TDRD1: variants seen among roughly 807,000 people sequenced by gnomAD.
The protein encoded by TDRD1 is tudor domain-containing protein 1.
A neutral mutation model predicts 140.6 loss-of-function variants in TDRD1; 37 were observed. The ratio of observed to expected loss-of-function variants is 0.26; its 90% CI spans 0.20 to 0.35. The LOEUF (loss-of-function observed/expected upper bound fraction) is 0.35. Ranked by LOEUF, TDRD1 falls within the 10% of genes least tolerant of loss-of-function variation. The probability of loss-of-function intolerance (pLI) is 1.00; values close to 1 mark genes in which losing one functional copy is unlikely to be tolerated. For missense variants in TDRD1, 1,243 were observed against 1,393.0 expected, an observed-to-expected ratio of 0.89 and a Z score of 1.71; for synonymous variants, 506 against 475.7, an observed-to-expected ratio of 1.06 and a Z score of -0.83.
intron 21 of TDRD1, 50 bp from the exon 22 acceptor site, chr10:114,225,999 G>T: frequency 6.7e-7 from 1 of 1,484,144 alleles, no homozygotes; most frequent in East Asian, 2.3e-5. Flanking sequence ...CTTAAAGTAG[G>T]AGGAATCACT....
exon 26 of TDRD1, chr10:114,231,775 T>G: frequency 2.3e-6 from 1 of 433,024 alleles, no homozygotes; most frequent in Non-Finnish European, 4.0e-6. Flanking sequence ...CTGCTATATA[T>G]GTAACTTTTT....
chr10:114,217,083 C>T (rs1396364349), intron 16 of TDRD1, among the ~76,000 whole-genome samples: 1 of 152,172 alleles, frequency 6.6e-6, no homozygotes, highest in African/African-American at 2.4e-5. Context: ...TGTCTTCCTT[C>T]TGGAAATACC....
chr10:114,224,169 T>C (rs1439983661), intron 21 of TDRD1, among the ~76,000 whole-genome samples: 1 of 152,256 alleles, frequency 6.6e-6, no homozygotes, highest in Non-Finnish European at 1.5e-5. Context: ...GCCTTCAGCC[T>C]AATAGTTAAT....
intron 1 of TDRD1, chr10:114,179,770 A>G (rs2032881149): frequency 6.6e-6 from 1 of 152,118 alleles, no homozygotes; most frequent in African/African-American, 2.4e-5. Flanking sequence ...CTTTCCTCCT[A>G]TAGGAAAGGA....
intron 4 of TDRD1, 117 bp downstream of exon 4, chr10:114,199,434 C>T: frequency 2.4e-6 from 3 of 1,263,444 alleles, no homozygotes; most frequent in Non-Finnish European, 3.2e-6. Flanking sequence ...ATGCCACACA[C>T]CCGTCTCAGC....
exon 2 of TDRD1, chr10:114,187,930 C>G (rs759585849): frequency 2.5e-6 from 4 of 1,613,196 alleles, no homozygotes; most frequent in Non-Finnish European, 1.7e-6. Flanking sequence ...AAAATGAAAA[C>G]AAGCTTCCAC....
At chr10:114,208,498 C>G (rs1281346173) in intron 11 of TDRD1, among the ~76,000 whole-genome samples, 1 of 152,192 alleles carries the variant, frequency 6.6e-6, no homozygotes, top group African/African-American at 2.4e-5. Context: ...ACAACTTGGT[C>G]TCTAATGTCA....
intron 4 of TDRD1, among the ~76,000 whole-genome samples, chr10:114,201,153 G>A (rs2034712878): frequency 1.3e-5 from 2 of 152,048 alleles, no homozygotes; most frequent in Admixed American, 1.3e-4. Flanking sequence ...ACTGCACCTG[G>A]CCGCTTGCTG....
chr10:114,224,880 A>G lies in TDRD1; in HGVS notation c.3008-1169A>G, dbSNP rs141329246. Among the ~76,000 whole-genome samples the G allele has an allele frequency of 3.9e-3, 591 of 152,188 alleles. 6 individuals carry two copies. Among genetic ancestry groups the G allele is most frequent in the African/African-American group, 0.014 (572 of 41,528 alleles). Reference sequence around the variant, plus strand: ...AGAGGCTTTCTGCAAATCTCTGGTGATCCTATGCTGTTCCTGTATTTAAGA... The same window carrying G: ...AGAGGCTTTCTGCAAATCTCTGGTGGTCCTATGCTGTTCCTGTATTTAAGA... On this transcript the variant is annotated intron_variant, in intron 21 of 25. Transcript: ENST00000251864.
Position 114,210,885 on chromosome 10 carries a change from C to T in TDRD1, c.1578C>T (p.Ser526=), listed in dbSNP as rs139490253. Residue 526 remains serine, a synonymous_variant, in exon 13 of 26, where the codon TCC becomes TCT. Transcript: ENST00000251864. Reference sequence around the variant, plus strand: ...GAAAGCTTGCTGAACTTCAGGCATCCCTTAGCAAGTACTGTGATCAGTTGC... The same window carrying T: ...GAAAGCTTGCTGAACTTCAGGCATCTCTTAGCAAGTACTGTGATCAGTTGC... 8.1e-6 allele frequency: 13 copies of T among 1,613,972 alleles called. No homozygotes were observed. In the African/African-American group the frequency reaches 1.3e-4, roughly 17 times the overall value.
At chr10:114,230,497 G>T (rs1432721985) in intron 25 of TDRD1, among the ~76,000 whole-genome samples, 1 of 152,190 alleles carries the variant, frequency 6.6e-6, no homozygotes, top group Non-Finnish European at 1.5e-5. Context: ...AGTTAAGGAA[G>T]CTGAGGCTCA....
intron 21 of TDRD1, among the ~76,000 whole-genome samples, chr10:114,224,405 A>C (rs924850677): frequency 6.6e-6 from 1 of 152,092 alleles, no homozygotes. Context: ...TTCTTTTTCT[A>C]CCGTTTTGCT....
intron 25 of TDRD1, among the ~76,000 whole-genome samples, chr10:114,229,817 AT>A (rs200409289): frequency 0.089 from 11,183 of 126,176 alleles, 547 homozygotes; most frequent in African/African-American, 0.14. Flanking sequence ...ATATATATAT[AT>A]TTTTTTTTTA....
intron 1 of TDRD1, among the ~76,000 whole-genome samples, chr10:114,182,690 C>CTTT (rs34137706): frequency 4.5e-4 from 65 of 144,624 alleles, no homozygotes; most frequent in Non-Finnish European, 6.1e-4. Context: ...ATACGAATAT[C>CTTT]TTTTTTTTTT....
intron 11 of TDRD1, among the ~76,000 whole-genome samples, chr10:114,208,547 TCTC>T (rs1467763098): frequency 1.3e-5 from 2 of 152,120 alleles, no homozygotes; most frequent in Non-Finnish European, 2.9e-5. Context: ...TTTTGTCCCC[TCTC>T]CTCCTACTGT....
chr10:114,210,231 T>C (rs2035393862), intron 11 of TDRD1, among the ~76,000 whole-genome samples: 1 of 152,246 alleles, frequency 6.6e-6, no homozygotes, highest in African/African-American at 2.4e-5. Flanking sequence ...TCTAATCTGA[T>C]GTGTTTCTAC....
At chr10:114,220,262 T>C (rs917306513) in intron 18 of TDRD1, among the ~76,000 whole-genome samples, 25 of 152,234 alleles carry the variant, frequency 1.6e-4, no homozygotes, top group African/African-American at 6.0e-4. Context: ...GGTTAACTCA[T>C]ACATAACAGA....
intron 1 of TDRD1, among the ~76,000 whole-genome samples, chr10:114,186,086 G>GT (rs1312549561): frequency 6.6e-6 from 1 of 151,914 alleles, no homozygotes; most frequent in East Asian, 1.9e-4. Context: ...CTTACTTGAT[G>GT]TTTTCTGTAC....
chr10:114,203,946 C>T (rs1183140402), intron 8 of TDRD1, 127 bp from the exon 9 acceptor site: 1 of 1,107,788 alleles, frequency 9.0e-7, no homozygotes, highest in South Asian at 1.5e-5. Context: ...ATTAAGTTGG[C>T]TTATTAATTG....
Sources: allele counts gnomAD v4.1 joint callset (sites outside exome capture counted in the v4.1 genomes callset), GRCh38; gene constraint gnomAD v4.1.1; transcripts MANE v1.5; gene names NCBI Gene and HGNC (gene_info 2026-07-23, HGNC 2026-07-21).